The following SCRN3 variants were observed in gnomAD, a reference collection of about 807,000 sequenced individuals.
SCRN3 encodes the protein secernin-3.
SCRN3 carries 39 observed loss-of-function variants against 43.1 expected under a neutral mutation model. The ratio of observed to expected loss-of-function variants is 0.91; its 90% CI spans 0.70 to 1.18. The LOEUF (loss-of-function observed/expected upper bound fraction) is 1.18, where lower values mean the gene tolerates loss of function less well. Ranked by LOEUF, SCRN3 falls within the 50% of genes most tolerant of loss-of-function variation. The pLI is 0.00. For synonymous variants in SCRN3, 147 were observed against 163.1 expected, an observed-to-expected ratio of 0.90 and a Z score of 0.75; for missense variants, 484 against 498.0, an observed-to-expected ratio of 0.97 and a Z score of 0.27.
chr2:174,396,804 A>AAAAAG (rs1685333556), intron 1 of SCRN3, among the ~76,000 whole-genome samples: 6 of 144,042 alleles, frequency 4.2e-5, no homozygotes, highest in Admixed American at 4.1e-4. Flanking sequence ...ATCAAAAAAA[A>AAAAAG]AAAACAAAAA....
intron 5 of SCRN3, among the ~76,000 whole-genome samples, chr2:174,406,383 A>C (rs77796855): frequency 0.13 from 16,518 of 128,904 alleles, 1,459 homozygotes; most frequent in South Asian, 0.22. Flanking sequence ...TTTTCTAGAT[A>C]TACAATCATG....
At chr2:174,405,176 G>C (rs1271851866) in intron 5 of SCRN3, among the ~76,000 whole-genome samples, 1 of 21,984 alleles carries the variant, frequency 4.5e-5, no homozygotes, top group African/African-American at 1.5e-4. Context: ...GTATCTCATA[G>C]TGGTTTTGAT....
rs753087556 is a variant in SCRN3, at chr2:174,404,168, A to T, written c.607A>T (p.Met203Leu). 10 of 1,613,930 alleles carry T rather than the reference A, an allele frequency of 6.2e-6. No individual in the cohort carries two copies. Among genetic ancestry groups the T allele is most frequent in the Non-Finnish European group, 8.5e-6 (10 of 1,179,872 alleles). ...CAAGATTGCCCGGGAACACCCAGAC[A>T]TGAGAAACTATGCTAAGCGGAAAGG... ...TTKIAREHPD[M>L]RNYAKRKGWW... is the part of the protein sequence containing the mutation. Residue 203 changes from methionine (M) to leucine (L), a missense_variant, in exon 5 of 8, where the codon ATG becomes TTG. Met to Leu is a conservative substitution (Grantham distance 15). Transcript: ENST00000272732.
At chr2:174,426,847 T>C (rs1373055687) in intron 7 of SCRN3, among the ~76,000 whole-genome samples, 1 of 152,046 alleles carries the variant, frequency 6.6e-6, no homozygotes, top group Non-Finnish European at 1.5e-5. Flanking sequence ...TATTTATTTA[T>C]TTTGAGACAG....
rs1574665987 is a variant in SCRN3 at position 174,418,054 on chromosome 2, A to T, written c.755-4831A>T. 1.3e-5 allele frequency among the ~76,000 whole-genome samples: 2 copies of T among 152,230 alleles called. 1 individual carries two copies. The highest frequency in any genetic ancestry group is 3.8e-4 in the East Asian group (2 of 5,204). On this transcript the variant is annotated intron_variant, in intron 5 of 7. Coordinates refer to ENST00000272732, the MANE Select transcript of SCRN3 (RefSeq NM_024583.5). Reference sequence around the variant, plus strand: ...CAAGATGGAGAGGAAAATGCCAAGAATTCTAAGGTTTAGGGTAATTGGACA... The same window carrying T: ...CAAGATGGAGAGGAAAATGCCAAGATTTCTAAGGTTTAGGGTAATTGGACA...
intron 5 of SCRN3, among the ~76,000 whole-genome samples, chr2:174,407,546 GA>G (rs1236282643): frequency 4.7e-5 from 1 of 21,434 alleles, no homozygotes; most frequent in Non-Finnish European, 8.3e-5. Context: ...TTTTAATTGT[GA>G]TGTTAGGGTG....
rs1686578007 is a variant in SCRN3, at chr2:174,429,008, A to G, written c.*1113A>G. On this transcript the variant is annotated 3_prime_UTR_variant, in exon 8 of 8. Transcript: ENST00000272732. ...AAGAAGTGGGTCATTATATTCAAAG[A>G]GTGCTCAGGAAGTTATGTGTTCAAA... 1 of 152,218 alleles carries G rather than the reference A, an allele frequency of 6.6e-6. No individual in the cohort carries two copies. The highest frequency in any genetic ancestry group is 2.1e-4 in the South Asian group (1 of 4,832). 9.4% of individuals were successfully genotyped at this position (152,218 alleles called of 1,614,324 possible).
chr2:174,417,017 AG>A (rs1296309252), intron 5 of SCRN3, among the ~76,000 whole-genome samples: 2 of 152,202 alleles, frequency 1.3e-5, no homozygotes, highest in Non-Finnish European at 2.9e-5. Context: ...TTTTCTGTAA[AG>A]TTTCTTAATG....
chr2:174,422,770 CTTAAT>C, intron 5 of SCRN3, 110 bp from the exon 6 acceptor site: 1 of 595,940 alleles, frequency 1.7e-6, no homozygotes, highest in Non-Finnish European at 2.8e-6. Flanking sequence ...TAGTCAGTCT[CTTAAT>C]TTATGTCAAG....
chr2:174,419,823 G>A (rs947100890), intron 5 of SCRN3, among the ~76,000 whole-genome samples: 6 of 152,120 alleles, frequency 3.9e-5, no homozygotes, highest in African/African-American at 1.4e-4. Flanking sequence ...TAATAAATGG[G>A]AGGCATAATA....
Position 174,401,041 on chromosome 2 carries a change from T to C in SCRN3, c.393T>C (p.Val131=), listed in dbSNP as rs762861413. Residue 131 remains valine (V), a synonymous_variant, in exon 4 of 8, where the codon GTT becomes GTC. Coordinates refer to ENST00000272732, the MANE Select transcript of SCRN3 (RefSeq NM_024583.5). ...DTAEKALNVI[V]DLLEKYGQGG... is the part of the protein sequence containing the mutation. ...CTGAAAAAGCCCTCAATGTCATTGT[T>C]GACTTACTAGAAAAATATGGCCAGG... The C allele has an allele frequency of 1.2e-6, 2 of 1,613,832 alleles. No homozygotes were observed. The highest frequency in any genetic ancestry group is 1.7e-6 in the Non-Finnish European group (2 of 1,179,866).
intron 4 of SCRN3, 149 bp from the exon 5 acceptor site, chr2:174,403,954 T>A (rs990415940): frequency 5.2e-6 from 3 of 576,714 alleles, no homozygotes; most frequent in Non-Finnish European, 9.2e-6. Context: ...TTCATTTATC[T>A]TTTTGAATAT....
At chr2:174,399,899 CT>C (rs59353951) in intron 2 of SCRN3, 22 bp from the exon 3 acceptor site, 189,615 of 1,125,174 alleles carry the variant, frequency 0.17, 996 homozygotes, top group Non-Finnish European at 0.18. Context: ...CTTGCTATGA[CT>C]TTTTTTTTTT....
intron 7 of SCRN3, among the ~76,000 whole-genome samples, chr2:174,425,466 C>T (rs1686449065): frequency 6.6e-6 from 1 of 152,044 alleles, no homozygotes; most frequent in Non-Finnish European, 1.5e-5. Context: ...CCTGTAATTC[C>T]TTTTACTTTG....
chr2:174,395,786 C>A lies in SCRN3; in HGVS notation c.-41C>A. On this transcript the variant is annotated 5_prime_UTR_variant, in exon 1 of 8. Transcript: ENST00000272732. ...CTCCACTGGCCACTCCTCCCTCCGT[C>A]CACCTGTCACTTCGGGTAGCTGGGA... 3 of 1,561,534 alleles carry A rather than the reference C, an allele frequency of 1.9e-6. No homozygotes were observed. The highest frequency in any genetic ancestry group is 2.6e-6 in the Non-Finnish European group (3 of 1,151,906).
At chr2:174,427,643 G>A in intron 7 of SCRN3, 70 bp from the exon 8 acceptor site, 2 of 901,870 alleles carry the variant, frequency 2.2e-6, no homozygotes, top group Non-Finnish European at 3.2e-6. Context: ...TATTTGTAGA[G>A]ATGGGTTGAA....
intron 3 of SCRN3, among the ~76,000 whole-genome samples, chr2:174,400,522 C>A (rs537331789): frequency 8.5e-5 from 13 of 152,258 alleles, no homozygotes; most frequent in Admixed American, 2.6e-4. Context: ...TTGTCTTGAA[C>A]TCCTGGCCTC....
rs767435740 is a variant in SCRN3, at chr2:174,428,157, A to G, written c.*262A>G. 8.3e-5 allele frequency: 20 copies of G among 241,442 alleles called. No individual in the cohort carries two copies. Among genetic ancestry groups the G allele is most frequent in the Non-Finnish European group, 1.3e-4 (17 of 126,120 alleles). The allele number at this position is 241,442 out of a possible 1,614,324, so 15.0% of individuals were successfully genotyped here. A position where few individuals can be genotyped will look rare whatever the true frequency, so the allele number is the denominator to read the frequency against. On this transcript the variant is annotated 3_prime_UTR_variant, in exon 8 of 8. Transcript: ENST00000272732. ...TGTACTTGCATTATTTTCTTTAGCCATAGTAACTTTTTGTCACAATAACTA... is the reference window on the plus strand; with the variant it reads ...TGTACTTGCATTATTTTCTTTAGCCGTAGTAACTTTTTGTCACAATAACTA...
intron 1 of SCRN3, 54 bp from the exon 2 acceptor site, chr2:174,398,215 CTTTATT>C (rs1486680555): frequency 6.5e-6 from 7 of 1,071,232 alleles, no homozygotes; most frequent in Non-Finnish European, 9.1e-6. Context: ...GAGTAAAACT[CTTTATT>C]TTTATATACT....
Sources: gnomAD v4.1 joint callset for allele counts (sites outside exome capture counted in the v4.1 genomes callset) on GRCh38, gnomAD v4.1.1 for gene constraint, MANE v1.5 for transcripts, NCBI Gene and HGNC (gene_info 2026-07-23, HGNC 2026-07-21) for gene names.